The following ADD3 variants were observed in gnomAD, a reference collection of about 807,000 sequenced individuals.
The protein encoded by ADD3 is adducin 3, also known as gamma-adducin.
ADD3 carries 25 observed loss-of-function variants against 80.2 expected under a neutral mutation model. The ratio of observed to expected loss-of-function variants is 0.31; its 90% CI spans 0.23 to 0.44. The LOEUF is 0.44. Ranked by LOEUF, ADD3 falls within the 20% of genes least tolerant of loss-of-function variation. ADD3 has a pLI of 1.00. For missense variants in ADD3, 829 were observed against 847.5 expected (o/e 0.98, Z 0.27); for synonymous variants, 284 against 289.6 (o/e 0.98, Z 0.20).
intron 1 of ADD3, among the ~76,000 whole-genome samples, chr10:110,099,991 T>C (rs1183172614): frequency 6.6e-6 from 1 of 152,112 alleles, no homozygotes; most frequent in Admixed American, 6.5e-5. Context: ...AAGTAGGAGT[T>C]GGGGGCCAGG....
chr10:110,116,330 C>T lies in ADD3; in HGVS notation c.406C>T (p.Leu136Phe), dbSNP rs1234250912. 6 of 1,614,022 alleles carry T rather than the reference C, an allele frequency of 3.7e-6. No homozygotes were observed. The highest frequency in any genetic ancestry group is 3.3e-5 in the Admixed American group (2 of 60,006). Reference protein sequence around the residue: ...DTSSYVKGEKLTRCKLASLYR... With the variant: ...DTSSYVKGEKFTRCKLASLYR... ...ATCCTCATATGTGAAGGGAGAAAAA[C>T]TTACTCGCTGTAAACTTGCCAGCCT... The change falls in exon 4 of 15, where the codon CTT becomes TTT. Residue 136 changes from leucine to phenylalanine, a missense_variant. Physicochemically the swap from Leu to Phe is conservative, Grantham distance 22. Coordinates refer to ENST00000356080, the MANE Select transcript of ADD3 (RefSeq NM_016824.5).
intron 1 of ADD3, among the ~76,000 whole-genome samples, chr10:110,097,112 A>C (rs1316202768): frequency 6.6e-6 from 1 of 152,218 alleles, no homozygotes; most frequent in African/African-American, 2.4e-5. Flanking sequence ...CTGTTTAAGT[A>C]TATTAACAGT....
chr10:110,110,584 C>G (rs753652288), intron 2 of ADD3, among the ~76,000 whole-genome samples: 1 of 152,150 alleles, frequency 6.6e-6, no homozygotes, highest in Non-Finnish European at 1.5e-5. Context: ...GGAAACTTCT[C>G]AACTATTGTT....
intron 1 of ADD3, chr10:110,075,768 G>A (rs1043879900): frequency 2.0e-4 from 30 of 152,170 alleles, no homozygotes; most frequent in African/African-American, 7.2e-4. Context: ...GATAGCAGCA[G>A]GTGATTGATA....
chr10:110,043,994 GTCAAGAGT>G, intron 1 of ADD3, among the ~76,000 whole-genome samples: 1 of 152,250 alleles, frequency 6.6e-6, no homozygotes, highest in African/African-American at 2.4e-5. Context: ...GGATCACGAG[GTCAAGAGT>G]TCAAGACCAG....
intron 1 of ADD3, among the ~76,000 whole-genome samples, chr10:110,074,174 C>T (rs1039068558): frequency 1.3e-5 from 2 of 152,164 alleles, no homozygotes; most frequent in African/African-American, 4.8e-5. Flanking sequence ...AAGGAAAAGC[C>T]CTTTTTTTTG....
intron 1 of ADD3, among the ~76,000 whole-genome samples, chr10:110,053,138 G>T: frequency 6.6e-6 from 1 of 152,134 alleles, no homozygotes; most frequent in East Asian, 1.9e-4. Flanking sequence ...GAGAGCATAA[G>T]ATCATAGCAG....
chr10:110,005,493 C>A (rs1052123748), upstream of ADD3, among the ~76,000 whole-genome samples: 1 of 152,110 alleles, frequency 6.6e-6, no homozygotes, highest in East Asian at 1.9e-4. Context: ...GTCACATAAA[C>A]GAGTTTTAAT....
intron 1 of ADD3, among the ~76,000 whole-genome samples, chr10:110,076,785 C>T (rs1845423757): frequency 6.6e-6 from 1 of 152,188 alleles, no homozygotes; most frequent in South Asian, 2.1e-4. Flanking sequence ...TTTATCTTTA[C>T]TTTCTTCACA....
chr10:110,091,489 A>G (rs1482017707), intron 1 of ADD3, among the ~76,000 whole-genome samples: 1 of 152,160 alleles, frequency 6.6e-6, no homozygotes, highest in Non-Finnish European at 1.5e-5. Context: ...CACACATACA[A>G]CCATCTGATC....
intron 1 of ADD3, among the ~76,000 whole-genome samples, chr10:110,086,898 A>C (rs1846838648): frequency 6.6e-6 from 1 of 152,220 alleles, no homozygotes; most frequent in African/African-American, 2.4e-5. Flanking sequence ...CCATAATCCA[A>C]GGGTCCCAGA....
intron 1 of ADD3, among the ~76,000 whole-genome samples, chr10:110,062,524 G>A (rs1344212135): frequency 3.9e-5 from 6 of 152,044 alleles, no homozygotes; most frequent in Non-Finnish European, 7.4e-5. Context: ...GGGCTGCAGC[G>A]AGCTGTGATC....
intron 3 of ADD3, among the ~76,000 whole-genome samples, chr10:110,115,060 C>A (rs1850541846): frequency 7.6e-6 from 1 of 132,230 alleles, no homozygotes. Context: ...GCCTGGGTGA[C>A]AGAGTGATAC....
chr10:110,089,105 T>C (rs1226519312), intron 1 of ADD3, among the ~76,000 whole-genome samples: 1 of 152,144 alleles, frequency 6.6e-6, no homozygotes, highest in African/African-American at 2.4e-5. Context: ...AAAGGTCCAC[T>C]GAGATTTGTA....
chr10:110,117,192 A>C (rs960728909), intron 4 of ADD3, 150 bp from the exon 5 acceptor site: 8 of 503,444 alleles, frequency 1.6e-5, no homozygotes, highest in Non-Finnish European at 2.4e-5. Flanking sequence ...ACTTTAGGAA[A>C]GTTTCATGTT....
intron 1 of ADD3, among the ~76,000 whole-genome samples, chr10:110,010,977 C>G (rs1852267370): frequency 6.6e-6 from 1 of 152,164 alleles, no homozygotes. Flanking sequence ...AATACAGTCA[C>G]CTTTTGACAT....
chr10:110,120,017 AT>A (rs1233438227), intron 8 of ADD3, among the ~76,000 whole-genome samples: 3 of 150,478 alleles, frequency 2.0e-5, no homozygotes, highest in Non-Finnish European at 4.4e-5. Context: ...TTTATTAATC[AT>A]TTTTTTCATC....
At chr10:110,041,184 C>A (rs1346202037) in intron 1 of ADD3, among the ~76,000 whole-genome samples, 3 of 152,150 alleles carry the variant, frequency 2.0e-5, no homozygotes, top group Admixed American at 6.5e-5. Flanking sequence ...GGTAGTTGAA[C>A]ATAGAGATCT....
At chr10:110,130,864 A>AT (rs1318483344) in intron 13 of ADD3, among the ~76,000 whole-genome samples, 1 of 152,066 alleles carries the variant, frequency 6.6e-6, no homozygotes, top group African/African-American at 2.4e-5. Context: ...TCAAAAAAAA[A>AT]AAAACAGAAA....
Sources: gnomAD v4.1 joint callset for allele counts (sites outside exome capture counted in the v4.1 genomes callset) on GRCh38, gnomAD v4.1.1 for gene constraint, MANE v1.5 for transcripts, NCBI Gene and HGNC (gene_info 2026-07-23, HGNC 2026-07-21) for gene names.